Variants in CEP20 observed in about 807,000 individuals in gnomAD.
CEP20 encodes centrosomal protein 20, also known as FGFR1OP N-terminal like.
CEP20 carries 18 observed loss-of-function variants against 20.0 expected under a neutral mutation model. The ratio of observed to expected loss-of-function variants is 0.90; its 90% CI spans 0.62 to 1.34. CEP20 has a LOEUF of 1.34. Among genes scored for constraint, CEP20 ranks in the 40% most tolerant of loss-of-function variants. The pLI is 0.00. For missense variants in CEP20, 215 were observed against 201.6 expected (o/e 1.07, Z -0.40); for synonymous variants, 77 against 73.7 (o/e 1.04, Z -0.23).
chr16:15,886,652 T>C (rs2157047), intron 1 of CEP20, among the ~76,000 whole-genome samples: 26,946 of 152,060 alleles, frequency 0.18, 2,310 homozygotes, highest in East Asian at 0.22. Flanking sequence ...TTCTCTAAAA[T>C]AATGAGCTCT....
chr16:15,867,332 C>T lies in CEP20; in HGVS notation c.*108G>A. The T allele has an allele frequency of 4.0e-6, 3 of 744,576 alleles. No homozygotes were observed. The highest frequency in any genetic ancestry group is 5.9e-6 in the Non-Finnish European group (3 of 504,688). The allele number at this position is 744,576 out of a possible 1,614,324, so 46.1% of individuals were successfully genotyped here. ...AAACATGAGGGGTGTTTTGTAGAAA[C>T]TCCAATTTCTACAAACATTAGTGGT... On this transcript the variant is annotated 3_prime_UTR_variant, in exon 5 of 5. Transcript: ENST00000255759.
chr16:15,867,433 C>G lies in CEP20; in HGVS notation c.*7G>C. Reference sequence around the variant, plus strand: ...ATTTTAAGACAAAAGATACCCCAAACAAAGCATTATCTGTTGACTGCCTGA... The same window carrying G: ...ATTTTAAGACAAAAGATACCCCAAAGAAAGCATTATCTGTTGACTGCCTGA... On this transcript the variant is annotated 3_prime_UTR_variant, in exon 5 of 5. Coordinates refer to ENST00000255759, the MANE Select transcript of CEP20 (RefSeq NM_144600.4). The G allele has an allele frequency of 3.8e-6, 6 of 1,574,746 alleles. No homozygotes were observed. In the East Asian group the frequency reaches 1.1e-4, roughly 30 times the overall value.
At chr16:15,885,042 C>G (rs12447613) in intron 1 of CEP20, 42,319 of 151,704 alleles carry the variant, frequency 0.28, 5,828 homozygotes, top group East Asian at 0.39. Context: ...CATGGTGGCT[C>G]ATGCCTGTAA....
At position 15,876,184 on chromosome 16, in the gene CEP20, T is replaced by A. The variant is rs577488833; in HGVS notation, c.312-2557A>T. On this transcript the variant is annotated intron_variant, in intron 3 of 4. Coordinates refer to ENST00000255759, the MANE Select transcript of CEP20 (RefSeq NM_144600.4). ...TACCATATTACTTTTTTTTTTTTTT[T>A]AAAGAATTGAAGTCTTGGGCCGATG... 4.4e-3 allele frequency among the ~76,000 whole-genome samples: 634 copies of A among 143,822 alleles called. 3 individuals carry two copies. The highest frequency in any genetic ancestry group is 5.9e-3 in the Non-Finnish European group (389 of 65,588). The allele number at this position is 143,822 out of a possible 152,430, so 94.4% of individuals were successfully genotyped here. A position where few individuals can be genotyped will look rare whatever the true frequency, so the allele number is the denominator to read the frequency against.
intron 1 of CEP20, 27 bp downstream of exon 1, chr16:15,888,531 T>G: frequency 1.2e-6 from 2 of 1,614,030 alleles, no homozygotes; most frequent in Non-Finnish European, 1.7e-6. Flanking sequence ...ACGCTTCCCA[T>G]GTGGAGGCCT....
chr16:15,883,996 A>C lies in CEP20; in HGVS notation c.226+12T>G. ...AGAAACAGATTTTATGTGATAAATA[A>C]TAACCACTTACCTGCTATGAGGACA... On this transcript the variant is annotated intron_variant, in intron 2 of 4. Transcript: ENST00000255759. The C allele has an allele frequency of 6.3e-7, 1 of 1,597,410 alleles. No homozygotes were observed. Among genetic ancestry groups the C allele is most frequent in the Non-Finnish European group, 8.6e-7 (1 of 1,167,538 alleles).
At position 15,867,427 on chromosome 16, in the gene CEP20, C is replaced by A; in HGVS notation, c.*13G>T. ...AATACAATTTTAAGACAAAAGATAC[C>A]CCAAACAAAGCATTATCTGTTGACT... is the stretch of plus-strand genomic sequence containing the variant. On this transcript the variant is annotated 3_prime_UTR_variant, in exon 5 of 5. Coordinates refer to ENST00000255759, the MANE Select transcript of CEP20 (RefSeq NM_144600.4). The A allele has an allele frequency of 1.9e-6, 3 of 1,559,278 alleles. No homozygotes were observed. The highest frequency in any genetic ancestry group is 1.2e-5 in the South Asian group (1 of 82,420).
chr16:15,872,634 G>A (rs952889739), intron 4 of CEP20, among the ~76,000 whole-genome samples: 5 of 152,168 alleles, frequency 3.3e-5, no homozygotes, highest in Non-Finnish European at 5.9e-5. Context: ...GCTTGAGCCC[G>A]GCAGTTCAAG....
intron 4 of CEP20, among the ~76,000 whole-genome samples, chr16:15,873,235 G>A (rs762766370): frequency 1.3e-5 from 2 of 152,084 alleles, no homozygotes; most frequent in Non-Finnish European, 2.9e-5. Context: ...GAGCCATTGT[G>A]CCTAGCCCAG....
At chr16:15,869,864 T>C (rs1235948473) in intron 4 of CEP20, among the ~76,000 whole-genome samples, 2 of 152,218 alleles carry the variant, frequency 1.3e-5, no homozygotes, top group Admixed American at 1.3e-4. Context: ...AAAGAGGTTG[T>C]GTCAATAAAA....
rs543837458 is a variant in CEP20 at position 15,875,581 on chromosome 16, G to A, written c.312-1954C>T. On this transcript the variant is annotated intron_variant, in intron 3 of 4. Transcript: ENST00000255759. ...TGAGAGGATCGCTTGAGTGCAGAAG[G>A]GAGAGGCAACTTGCAAATTCATGGA... Among the ~76,000 whole-genome samples the A allele has an allele frequency of 4.6e-5, 7 of 152,180 alleles. No individual in the cohort carries two copies. The South Asian group carries it at 1.5e-3, about 32-fold the overall frequency.
chr16:15,879,075 G>GA (rs1239458956), intron 3 of CEP20, among the ~76,000 whole-genome samples: 1 of 148,824 alleles, frequency 6.7e-6, no homozygotes, highest in Non-Finnish European at 1.5e-5. Flanking sequence ...CACTGAAATA[G>GA]AAAAAAACTA....
At chr16:15,883,904 G>A in intron 2 of CEP20, 104 bp downstream of exon 2, 1 of 952,308 alleles carries the variant, frequency 1.1e-6, no homozygotes, top group Non-Finnish European at 1.5e-6. Context: ...CAGTCACCCA[G>A]ATGGCACTAT....
Position 15,888,545 on chromosome 16 carries a change from T to C in CEP20, c.28+13A>G, listed in dbSNP as rs377757838. 1.7e-5 allele frequency: 28 copies of C among 1,614,044 alleles called. No homozygotes were observed. The highest frequency in any genetic ancestry group is 2.2e-5 in the East Asian group (1 of 44,876). On this transcript the variant is annotated intron_variant, in intron 1 of 4. Coordinates refer to ENST00000255759, the MANE Select transcript of CEP20 (RefSeq NM_144600.4). ...GACGCTTCCCATGTGGAGGCCTCCC[T>C]GCTCGCACTCACCAGCCTTCAACTC... is the stretch of plus-strand genomic sequence containing the variant.
rs879469194 is a variant in CEP20, at chr16:15,879,796, TG to T, written c.311+7del. 4.5e-6 allele frequency: 7 copies of T among 1,539,816 alleles called. No individual in the cohort carries two copies. The highest frequency in any genetic ancestry group is 6.2e-6 in the Non-Finnish European group (7 of 1,135,098). ...ATATGTGGAAACTTCTTTAAAAAAA[TG>T]TCTTACATTGTATTATCCTTTGATT... On this transcript the variant is annotated splice_region_variant and intron_variant, in intron 3 of 4. Transcript: ENST00000255759.
chr16:15,873,134 G>A (rs561585749), intron 4 of CEP20, among the ~76,000 whole-genome samples: 1 of 151,418 alleles, frequency 6.6e-6, no homozygotes. Context: ...ATAGAGATGG[G>A]GTTTCACCAT....
Position 15,866,096 on chromosome 16 carries a change from T to C in CEP20, c.*1344A>G, listed in dbSNP as rs1217268921. The stretch of plus-strand genomic sequence containing the variant: ...CTCTTGCAATACTTCTGCATCCATA[T>C]ATAATTTTACCAGCAGGGCCTCCCA... On this transcript the variant is annotated 3_prime_UTR_variant, in exon 5 of 5. Coordinates refer to ENST00000255759, the MANE Select transcript of CEP20 (RefSeq NM_144600.4). 2 of 151,932 alleles carry C rather than the reference T, an allele frequency of 1.3e-5. No homozygotes were observed. The highest frequency in any genetic ancestry group is 2.9e-5 in the Non-Finnish European group (2 of 67,982). The allele number at this position is 151,932 out of a possible 1,614,324, so 9.4% of individuals were successfully genotyped here.
chr16:15,865,987 A>G lies in CEP20; in HGVS notation c.*1453T>C, dbSNP rs1054957770. 2 of 152,216 alleles carry G rather than the reference A, an allele frequency of 1.3e-5. No individual in the cohort carries two copies. Among genetic ancestry groups the G allele is most frequent in the African/African-American group, 4.8e-5 (2 of 41,470 alleles). 9.4% of individuals were successfully genotyped at this position (152,216 alleles called of 1,614,324 possible). A position where few individuals can be genotyped will look rare whatever the true frequency, so the allele number is the denominator to read the frequency against. On this transcript the variant is annotated 3_prime_UTR_variant, in exon 5 of 5. Transcript: ENST00000255759. ...GACGAAAACCAAGTCCCCCGGGAGA[A>G]TTCAGATATTTATATTCACACATAC...
chr16:15,876,922 G>A (rs1319380842), intron 3 of CEP20, among the ~76,000 whole-genome samples: 3 of 150,932 alleles, frequency 2.0e-5, no homozygotes, highest in Non-Finnish European at 2.9e-5. Context: ...CACGATCTCG[G>A]CTCACTGCAA....
Sources: gnomAD v4.1 joint callset for allele counts (sites outside exome capture counted in the v4.1 genomes callset) on GRCh38, gnomAD v4.1.1 for gene constraint, MANE v1.5 for transcripts, NCBI Gene and HGNC (gene_info 2026-07-23, HGNC 2026-07-21) for gene names.